The following ANO2 variants were observed in gnomAD, a reference collection of about 807,000 sequenced individuals.
ANO2 encodes anoctamin-2.
In ANO2, 101 loss-of-function variants were observed where a neutral mutation model predicts 124.2. The observed-to-expected ratio is 0.81, with a 90% CI of 0.69 to 0.96. The LOEUF (loss-of-function observed/expected upper bound fraction) is 0.96. Among genes scored for constraint, ANO2 ranks in the 40% least tolerant of loss-of-function variants. The probability of loss-of-function intolerance (pLI) is 0.00; values close to 1 mark genes in which losing one functional copy is unlikely to be tolerated. For missense variants in ANO2, 1,293 were observed against 1,274.5 expected, an observed-to-expected ratio of 1.01 and a Z score of -0.22; for synonymous variants, 486 against 482.5, an observed-to-expected ratio of 1.01 and a Z score of -0.09.
At chr12:5,875,812 G>A (rs1938057858) in intron 3 of ANO2, among the ~76,000 whole-genome samples, 1 of 151,678 alleles carries the variant, frequency 6.6e-6, no homozygotes, top group Admixed American at 6.6e-5. Context: ...ATAAGTCCTA[G>A]GCTACATCTA....
chr12:5,736,548 C>A (rs574766322), intron 13 of ANO2, among the ~76,000 whole-genome samples: 2 of 152,290 alleles, frequency 1.3e-5, no homozygotes, highest in South Asian at 4.1e-4. Flanking sequence ...TGCCTCCCTC[C>A]CTCCAGTGCC....
At chr12:5,842,464 C>T (rs150327239) in intron 4 of ANO2, among the ~76,000 whole-genome samples, 1 of 152,094 alleles carries the variant, frequency 6.6e-6, no homozygotes, top group Admixed American at 6.5e-5. Flanking sequence ...TGATGCCCTG[C>T]CCTTTTCTCG....
intron 14 of ANO2, among the ~76,000 whole-genome samples, chr12:5,657,654 A>C (rs950622264): frequency 1.3e-5 from 2 of 152,130 alleles, no homozygotes; most frequent in Admixed American, 6.5e-5. Flanking sequence ...ACAAGTGGCC[A>C]TCTGGTCTCA....
intron 10 of ANO2, among the ~76,000 whole-genome samples, chr12:5,761,414 A>G (rs1232549131): frequency 6.6e-6 from 1 of 152,182 alleles, no homozygotes; most frequent in Non-Finnish European, 1.5e-5. Flanking sequence ...TTTTTAATGT[A>G]TTCTCCACAG....
chr12:5,698,655 A>AG (rs1949286144), intron 14 of ANO2, among the ~76,000 whole-genome samples: 1 of 152,234 alleles, frequency 6.6e-6, no homozygotes, highest in Non-Finnish European at 1.5e-5. Context: ...TCCGAGCTAA[A>AG]GGAGGATGTT....
chr12:5,801,368 T>C (rs1394037513), intron 9 of ANO2, among the ~76,000 whole-genome samples: 1 of 152,240 alleles, frequency 6.6e-6, no homozygotes, highest in Non-Finnish European at 1.5e-5. Context: ...TTTATTAGAT[T>C]ATATGTCTAG....
chr12:5,627,574 C>T (rs1591768969), intron 16 of ANO2, among the ~76,000 whole-genome samples: 2 of 152,220 alleles, frequency 1.3e-5, no homozygotes, highest in East Asian at 3.8e-4. Context: ...AACACTTTCA[C>T]CCCATGCTCC....
chr12:5,814,477 G>A (rs1343803353), intron 7 of ANO2, among the ~76,000 whole-genome samples: 1 of 152,128 alleles, frequency 6.6e-6, no homozygotes, highest in East Asian at 1.9e-4. Context: ...GACCTTCTCC[G>A]ACTACTCTAT....
In ANO2 at chr12:5,636,821, T is replaced by G. The variant is rs905352390; in HGVS notation, c.1621-1474A>C. On this transcript the variant is annotated intron_variant, in intron 15 of 24. Coordinates refer to ENST00000682330, the MANE Select transcript of ANO2 (RefSeq NM_001364791.2). The surrounding 1 kb of genome is among the most constrained non-coding windows in gnomAD (Gnocchi z 4.6). Reference sequence around the variant, plus strand: ...GGCAGATGTGTCCAGGTATGGATGTTTTCAGACCTCTGGGGGGTACCTGGG... The same window carrying G: ...GGCAGATGTGTCCAGGTATGGATGTGTTCAGACCTCTGGGGGGTACCTGGG... Among the ~76,000 whole-genome samples, 1 of 152,016 alleles carries G rather than the reference T, an allele frequency of 6.6e-6. No homozygotes were observed. Among genetic ancestry groups the G allele is most frequent in the Non-Finnish European group, 1.5e-5 (1 of 68,026 alleles).
At chr12:5,778,012 T>C (rs752979078) in intron 10 of ANO2, among the ~76,000 whole-genome samples, 8 of 152,210 alleles carry the variant, frequency 5.3e-5, no homozygotes, top group Non-Finnish European at 8.8e-5. Context: ...ACAGAACGGC[T>C]TCTATTAGAC....
At chr12:5,776,728 G>T (rs1952242250) in intron 10 of ANO2, among the ~76,000 whole-genome samples, 2 of 152,238 alleles carry the variant, frequency 1.3e-5, no homozygotes. Flanking sequence ...AAGGACTAGA[G>T]AATGAGAAGC....
intron 16 of ANO2, among the ~76,000 whole-genome samples, chr12:5,625,389 C>T (rs1945345722): frequency 6.6e-6 from 1 of 151,352 alleles, no homozygotes; most frequent in African/African-American, 2.4e-5. Flanking sequence ...AGAGAGAGCT[C>T]CAGGGAGTGA....
chr12:5,806,120 A>C, intron 8 of ANO2, 27 bp from the exon 9 acceptor site: 1 of 1,605,092 alleles, frequency 6.2e-7, no homozygotes. Context: ...ATGCTGGATA[A>C]AGCCAATGAA....
intron 14 of ANO2, among the ~76,000 whole-genome samples, chr12:5,666,400 G>A (rs1242745721): frequency 2.6e-5 from 4 of 152,204 alleles, no homozygotes; most frequent in African/African-American, 4.8e-5. Flanking sequence ...GGCCACCCTT[G>A]TGTCCTCTTC....
rs7974448 is a variant in ANO2 at position 5,847,978 on chromosome 12, G to C, written c.633+6065C>G. On this transcript the variant is annotated intron_variant, in intron 4 of 24. Transcript: ENST00000682330. ...TAAAGTGTCAGTGGCATTTCTGCTC[G>C]AACCGTTATCTTTGAACCCAGTTAG... Among the ~76,000 whole-genome samples, 292 of 152,280 alleles carry C rather than the reference G, an allele frequency of 1.9e-3. 1 individual carries two copies. The highest frequency in any genetic ancestry group is 6.1e-3 in the African/African-American group (254 of 41,512).
At chr12:5,856,709 G>C (rs535912316) in intron 3 of ANO2, 1 of 152,200 alleles carries the variant, frequency 6.6e-6, no homozygotes, top group African/African-American at 2.4e-5. Flanking sequence ...CAAGAGAGAA[G>C]CTGGCTCTGG....
At chr12:5,768,538 C>A (rs1353202391) in intron 10 of ANO2, among the ~76,000 whole-genome samples, 1 of 152,210 alleles carries the variant, frequency 6.6e-6, no homozygotes, top group Admixed American at 6.5e-5. Flanking sequence ...TCTCAAGACC[C>A]ACAATTCAGG....
intron 10 of ANO2, among the ~76,000 whole-genome samples, chr12:5,794,513 C>T (rs958979004): frequency 1.3e-5 from 2 of 152,354 alleles, no homozygotes; most frequent in Non-Finnish European, 2.9e-5. Context: ...CAAAGACACA[C>T]TCTTTCACCT....
chr12:5,758,170 G>A lies in ANO2; in HGVS notation c.1056-7200C>T, dbSNP rs766622309. Among the ~76,000 whole-genome samples the A allele has an allele frequency of 3.3e-5, 5 of 152,156 alleles. 1 individual carries two copies. Among genetic ancestry groups the A allele is most frequent in the Non-Finnish European group, 5.9e-5 (4 of 68,028 alleles). On this transcript the variant is annotated intron_variant, in intron 10 of 24. Coordinates refer to ENST00000682330, the MANE Select transcript of ANO2 (RefSeq NM_001364791.2). ...CCCGAGATGGGTTGCACATACAGCC[G>A]ATGGTACTTGGTGGAAAGGGTGGAA...
Sources: gnomAD v4.1 joint callset for allele counts (sites outside exome capture counted in the v4.1 genomes callset) on GRCh38, gnomAD v4.1.1 for gene constraint, Gnocchi (gnomAD v3.1) non-coding constraint, MANE v1.5 for transcripts, NCBI Gene and HGNC (gene_info 2026-07-23, HGNC 2026-07-21) for gene names.